The following CLIC6 variants were observed in gnomAD, a reference collection of about 807,000 sequenced individuals.
The protein encoded by CLIC6 is chloride intracellular channel protein 6.
Under a neutral mutation model 49.2 loss-of-function variants are expected in CLIC6, and 39 were observed. The ratio of observed to expected loss-of-function variants is 0.79; its 90% CI spans 0.61 to 1.04. The LOEUF (loss-of-function observed/expected upper bound fraction) is 1.04. CLIC6 is among the 50% of genes least tolerant of loss of function. The pLI is 0.00. For synonymous variants in CLIC6, 446 were observed against 433.4 expected (o/e 1.03, Z -0.36); for missense variants, 988 against 993.1 (o/e 0.99, Z 0.07).
At chr21:34,684,827 T>C (rs1331479857) in intron 1 of CLIC6, among the ~76,000 whole-genome samples, 1 of 152,214 alleles carries the variant, frequency 6.6e-6, no homozygotes, top group Non-Finnish European at 1.5e-5. Context: ...GGTCATTCCA[T>C]GTCCCCTTTC....
intron 1 of CLIC6, 70 bp from the exon 2 acceptor site, chr21:34,707,210 T>A: frequency 8.9e-7 from 1 of 1,125,852 alleles, no homozygotes; most frequent in Non-Finnish European, 1.4e-6. Context: ...ATTTTGCATG[T>A]GCATGTTGTG....
At chr21:34,694,213 T>A (rs1990052261) in intron 1 of CLIC6, among the ~76,000 whole-genome samples, 2 of 144,602 alleles carry the variant, frequency 1.4e-5, no homozygotes, top group South Asian at 4.5e-4. Flanking sequence ...TCTCATTACC[T>A]CATGATCCTC....
chr21:34,711,415 C>T (rs993330985), intron 5 of CLIC6, among the ~76,000 whole-genome samples: 1 of 151,912 alleles, frequency 6.6e-6, no homozygotes, highest in South Asian at 2.1e-4. Context: ...GCCTGTAGTC[C>T]CATGCATTTG....
At chr21:34,670,816 G>T in intron 1 of CLIC6, 54 bp downstream of exon 1, 5 of 1,540,790 alleles carry the variant, frequency 3.2e-6, no homozygotes, top group Non-Finnish European at 4.4e-6. Context: ...TCGAGGTCTT[G>T]GTCATCTCAG....
intron 1 of CLIC6, among the ~76,000 whole-genome samples, chr21:34,693,700 A>G (rs1161586729): frequency 1.3e-5 from 2 of 152,170 alleles, no homozygotes; most frequent in Non-Finnish European, 2.9e-5. Flanking sequence ...CTGTGGCCCC[A>G]AAGGTGATGT....
At chr21:34,678,101 C>T (rs1425011647) in intron 1 of CLIC6, among the ~76,000 whole-genome samples, 3 of 148,650 alleles carry the variant, frequency 2.0e-5, no homozygotes, top group African/African-American at 7.5e-5. Context: ...ACTCTGTGGA[C>T]CACAAAGCCC....
Position 34,716,870 on chromosome 21 carries a change from ACACACAC to A in CLIC6, c.*389_*395del, listed in dbSNP as rs1568974433. 1 of 126,348 alleles carries A rather than the reference ACACACAC, an allele frequency of 7.9e-6. No individual in the cohort carries two copies. The highest frequency in any genetic ancestry group is 3.0e-5 in the African/African-American group (1 of 33,350). 7.8% of individuals were successfully genotyped at this position (126,348 alleles called of 1,614,324 possible). ...CTCTCTCTCTCTCTCTATCACACAC[ACACACAC>A]ACACACACACACACACACACACAAT... On this transcript the variant is annotated 3_prime_UTR_variant, in exon 6 of 6. Coordinates refer to ENST00000349499, the MANE Select transcript of CLIC6 (RefSeq NM_053277.3).
Position 34,685,472 on chromosome 21 carries a change from GC to G in CLIC6, c.1374+14712del, listed in dbSNP as rs1989859823. ...TAAGAAAAATCAACACTTTTTTGGT[GC>G]CTTTGGTGTGAGAGCCTTGGAGGTG... On this transcript the variant is annotated intron_variant, in intron 1 of 5. Coordinates refer to ENST00000349499, the MANE Select transcript of CLIC6 (RefSeq NM_053277.3). Among the ~76,000 whole-genome samples the G allele has an allele frequency of 2.0e-5, 3 of 152,244 alleles. No homozygotes were observed. In the South Asian group the frequency reaches 6.2e-4, roughly 32 times the overall value.
At chr21:34,709,610 T>C in intron 5 of CLIC6, 72 bp downstream of exon 5, 1 of 1,367,408 alleles carries the variant, frequency 7.3e-7, no homozygotes, top group Non-Finnish European at 1.0e-6. Context: ...TTTACTTGTG[T>C]TTGGGCCAGA....
chr21:34,700,772 A>T lies in CLIC6; in HGVS notation c.1375-6508A>T, dbSNP rs141082773. Among the ~76,000 whole-genome samples, 271 of 139,388 alleles carry T rather than the reference A, an allele frequency of 1.9e-3. 63 individuals are homozygous for T. Among genetic ancestry groups the T allele is most frequent in the African/African-American group, 7.3e-3 (254 of 34,978 alleles). The allele number at this position is 139,388 out of a possible 152,430, so 91.4% of individuals were successfully genotyped here. On this transcript the variant is annotated intron_variant, in intron 1 of 5. Transcript: ENST00000349499. Reference sequence around the variant, plus strand: ...AGTCAGAAGGGACCTTAGCCTTTTCACCGCTACAGAGGACTGTGGTGTCAT... The same window carrying T: ...AGTCAGAAGGGACCTTAGCCTTTTCTCCGCTACAGAGGACTGTGGTGTCAT...
intron 4 of CLIC6, 83 bp downstream of exon 4, chr21:34,708,889 C>A: frequency 2.1e-6 from 2 of 974,254 alleles, no homozygotes; most frequent in East Asian, 2.6e-5. Flanking sequence ...GGGGTATTCC[C>A]ATCTATTTCC....
intron 1 of CLIC6, among the ~76,000 whole-genome samples, chr21:34,702,404 C>A (rs191254558): frequency 3.3e-5 from 5 of 152,110 alleles, no homozygotes; most frequent in Non-Finnish European, 7.4e-5. Flanking sequence ...CCAGGGCTCC[C>A]GCGTGTCTCT....
intron 3 of CLIC6, among the ~76,000 whole-genome samples, chr21:34,708,421 G>A (rs1290009886): frequency 5.3e-5 from 8 of 152,076 alleles, no homozygotes; most frequent in South Asian, 4.2e-4. Flanking sequence ...CATCCCCTTC[G>A]TTTTACTAGG....
In CLIC6 at chr21:34,716,593, G is replaced by C. The variant is rs1199323060; in HGVS notation, c.*111G>C. The C allele has an allele frequency of 1.3e-6, 1 of 788,966 alleles. No homozygotes were observed. Among genetic ancestry groups the C allele is most frequent in the East Asian group, 3.0e-5 (1 of 33,432 alleles). The allele number at this position is 788,966 out of a possible 1,614,324, so 48.9% of individuals were successfully genotyped here. A position where few individuals can be genotyped will look rare whatever the true frequency, so the allele number is the denominator to read the frequency against. ...CAATTCCTTCAATTTTTAAAAAACT[G>C]GTCTCTGAGAGTTTTTTAAATCATT... On this transcript the variant is annotated 3_prime_UTR_variant, in exon 6 of 6. Coordinates refer to ENST00000349499, the MANE Select transcript of CLIC6 (RefSeq NM_053277.3).
chr21:34,697,540 C>T (rs1276675552), intron 1 of CLIC6, among the ~76,000 whole-genome samples: 1 of 152,070 alleles, frequency 6.6e-6, no homozygotes, highest in African/African-American at 2.4e-5. Flanking sequence ...TTTTCATTAG[C>T]GAGGAGCAAA....
chr21:34,709,632 T>G, intron 5 of CLIC6, 94 bp downstream of exon 5: 1 of 1,127,384 alleles, frequency 8.9e-7, no homozygotes, highest in East Asian at 2.5e-5. Context: ...ATTTAAACAG[T>G]CTGAAATGTG....
chr21:34,679,614 T>C (rs2145799845), intron 1 of CLIC6, among the ~76,000 whole-genome samples: 1 of 152,268 alleles, frequency 6.6e-6, no homozygotes, highest in Admixed American at 6.5e-5. Context: ...GCCTGTAAAG[T>C]CAAAAGCAAG....
intron 5 of CLIC6, among the ~76,000 whole-genome samples, chr21:34,710,128 A>T (rs903833439): frequency 6.6e-6 from 1 of 151,278 alleles, no homozygotes; most frequent in African/African-American, 2.4e-5. Context: ...AAAAAAAAAA[A>T]TTAGCTGGGC....
chr21:34,702,613 C>G (rs542390154), intron 1 of CLIC6, among the ~76,000 whole-genome samples: 6 of 152,194 alleles, frequency 3.9e-5, no homozygotes, highest in African/African-American at 1.2e-4. Flanking sequence ...GCAGGGCAGG[C>G]GCAGCGGAGG....
Sources: allele counts gnomAD v4.1 joint callset (sites outside exome capture counted in the v4.1 genomes callset), GRCh38; gene constraint gnomAD v4.1.1; transcripts MANE v1.5; gene names NCBI Gene and HGNC (gene_info 2026-07-23, HGNC 2026-07-21).